PCSK2: variants seen among roughly 807,000 people sequenced by gnomAD.
The protein encoded by PCSK2 is neuroendocrine convertase 2.
A neutral mutation model predicts 69.7 loss-of-function variants in PCSK2; 14 were observed. The observed-to-expected ratio is 0.20, with a 90% CI of 0.13 to 0.31. The LOEUF (loss-of-function observed/expected upper bound fraction) is 0.31. PCSK2 is among the 10% of genes least tolerant of loss of function. PCSK2 has a pLI of 1.00. For missense variants in PCSK2, 544 were observed against 842.5 expected, an observed-to-expected ratio of 0.65 and a Z score of 4.39; for synonymous variants, 307 against 320.7, an observed-to-expected ratio of 0.96 and a Z score of 0.46.
At chr20:17,286,574 C>T (rs1336535578) in intron 2 of PCSK2, among the ~76,000 whole-genome samples, 5 of 152,152 alleles carry the variant, frequency 3.3e-5, no homozygotes, top group Non-Finnish European at 7.3e-5. Flanking sequence ...GTACAATCTA[C>T]TAAGATGTAC....
At chr20:17,376,252 A>C (rs2030921323) in intron 5 of PCSK2, among the ~76,000 whole-genome samples, 1 of 151,866 alleles carries the variant, frequency 6.6e-6, no homozygotes, top group Non-Finnish European at 1.5e-5. Flanking sequence ...CCACAGAAAC[A>C]AGCAAGCCAG....
At chr20:17,283,099 C>T (rs879875617) in intron 2 of PCSK2, among the ~76,000 whole-genome samples, 3 of 152,050 alleles carry the variant, frequency 2.0e-5, no homozygotes, top group Non-Finnish European at 2.9e-5. Flanking sequence ...AGCAACTGGG[C>T]AGGGAATCCG....
intron 11 of PCSK2, among the ~76,000 whole-genome samples, chr20:17,473,098 T>TTC (rs1555798413): frequency 7.1e-6 from 1 of 140,282 alleles, no homozygotes; most frequent in African/African-American, 2.7e-5. Flanking sequence ...TTTTTTTTTT[T>TTC]TTTTTTTTTT....
At chr20:17,381,338 C>T (rs549720571) in intron 5 of PCSK2, among the ~76,000 whole-genome samples, 9 of 152,316 alleles carry the variant, frequency 5.9e-5, no homozygotes, top group African/African-American at 2.2e-4. Context: ...AACCTCTCCA[C>T]AATGAGTGCT....
chr20:17,312,859 G>T (rs1320278848), intron 2 of PCSK2, among the ~76,000 whole-genome samples: 1 of 152,132 alleles, frequency 6.6e-6, no homozygotes, highest in Admixed American at 6.5e-5. Context: ...AAACTTCTTA[G>T]ATTTATATGT....
chr20:17,230,817 ATTTGT>A (rs1230172252), intron 1 of PCSK2, among the ~76,000 whole-genome samples: 1 of 152,210 alleles, frequency 6.6e-6, no homozygotes, highest in Non-Finnish European at 1.5e-5. Flanking sequence ...ATGAACAAAC[ATTTGT>A]TTTCTCTCTA....
At chr20:17,429,548 G>A in intron 7 of PCSK2, 25 bp downstream of exon 7, 1 of 1,470,974 alleles carries the variant, frequency 6.8e-7, no homozygotes, top group Non-Finnish European at 9.5e-7. Context: ...CCAAACAGAG[G>A]CCCCCACTAG....
intron 2 of PCSK2, among the ~76,000 whole-genome samples, chr20:17,279,207 C>T (rs1437746382): frequency 2.0e-5 from 3 of 152,138 alleles, no homozygotes; most frequent in Non-Finnish European, 4.4e-5. Context: ...CTTTTTAGGA[C>T]TTTTAATCTG....
rs1282913899 is a variant in PCSK2, at chr20:17,483,167, A to AT, written c.*1098dup. On this transcript the variant is annotated 3_prime_UTR_variant, in exon 12 of 12. Transcript: ENST00000262545. Reference sequence around the variant, plus strand: ...AAAAGGCCTCTGTCCCGGAAGAGTCATGGGAGGTGAAAGGGGCACGTTTGA... The same window carrying AT: ...AAAAGGCCTCTGTCCCGGAAGAGTCATTGGGAGGTGAAAGGGGCACGTTTGA... The AT allele has an allele frequency of 6.6e-6, 1 of 152,064 alleles. No individual in the cohort carries two copies. Among genetic ancestry groups the AT allele is most frequent in the Non-Finnish European group, 1.5e-5 (1 of 68,016 alleles). The allele number at this position is 152,064 out of a possible 1,614,324, so 9.4% of individuals were successfully genotyped here. A position where few individuals can be genotyped will look rare whatever the true frequency, so the allele number is the denominator to read the frequency against.
chr20:17,334,987 C>T (rs1990304215), intron 2 of PCSK2, among the ~76,000 whole-genome samples: 1 of 152,190 alleles, frequency 6.6e-6, no homozygotes, highest in African/African-American at 2.4e-5. Context: ...GCAAGTTACT[C>T]AGAGTTTATG....
At chr20:17,349,213 G>A (rs1471094252) in intron 2 of PCSK2, among the ~76,000 whole-genome samples, 1 of 152,178 alleles carries the variant, frequency 6.6e-6, no homozygotes, top group African/African-American at 2.4e-5. Context: ...AGGTATAGCA[G>A]GGCCTGTAAC....
rs1164266992 is a variant in PCSK2 at position 17,480,184 on chromosome 20, C to CTTTTTTTTTTTTTTTTTTTTTT, written c.1431-1398_1431-1377dup. Among the ~76,000 whole-genome samples the CTTTTTTTTTTTTTTTTTTTTTT allele has an allele frequency of 5.8e-4, 45 of 76,984 alleles. 5 individuals carry two copies. The highest frequency in any genetic ancestry group is 7.0e-4 in the African/African-American group (12 of 17,062). The allele number at this position is 76,984 out of a possible 152,430, so 50.5% of individuals were successfully genotyped here. A position where few individuals can be genotyped will look rare whatever the true frequency, so the allele number is the denominator to read the frequency against. ...ATTAATTTACCCATTTTCAGCTTTT[C>CTTTTTTTTTTTTTTTTTTTTTT]TTTTTTTTTTTTTTTTTTTTTTTGA... On this transcript the variant is annotated intron_variant, in intron 11 of 11. Transcript: ENST00000262545.
chr20:17,252,886 C>T (rs951678677), intron 1 of PCSK2, among the ~76,000 whole-genome samples: 2 of 152,150 alleles, frequency 1.3e-5, no homozygotes, highest in Non-Finnish European at 2.9e-5. Flanking sequence ...ACTTTCAAAA[C>T]AATTAAAAAT....
intron 2 of PCSK2, among the ~76,000 whole-genome samples, chr20:17,295,152 A>C (rs1389402177): frequency 6.6e-6 from 1 of 152,020 alleles, no homozygotes; most frequent in African/African-American, 2.4e-5. Context: ...GACATTCAAA[A>C]TTGTAATAAT....
At chr20:17,227,728 T>C (rs529564345) in intron 1 of PCSK2, among the ~76,000 whole-genome samples, 14 of 152,176 alleles carry the variant, frequency 9.2e-5, no homozygotes, top group Non-Finnish European at 1.5e-4. Flanking sequence ...ATGGCGAAAA[T>C]AGGATAACAC....
chr20:17,339,030 C>T (rs1201438443), intron 2 of PCSK2, among the ~76,000 whole-genome samples: 5 of 152,168 alleles, frequency 3.3e-5, no homozygotes, highest in Non-Finnish European at 7.3e-5. Context: ...TCATTAAGAA[C>T]AGCACACATT....
intron 2 of PCSK2, among the ~76,000 whole-genome samples, chr20:17,264,337 A>G (rs1485682053): frequency 1.3e-5 from 2 of 152,200 alleles, no homozygotes; most frequent in Non-Finnish European, 2.9e-5. Flanking sequence ...CCATACAATT[A>G]TTCCTCATTT....
chr20:17,379,066 T>C (rs6044767), intron 5 of PCSK2, among the ~76,000 whole-genome samples: 32,827 of 152,172 alleles, frequency 0.22, 3,667 homozygotes, highest in Middle Eastern at 0.3. Context: ...AAATGCTGCT[T>C]CTGCTGAGCT....
chr20:17,243,786 A>T (rs533234007), intron 1 of PCSK2, among the ~76,000 whole-genome samples: 16 of 152,314 alleles, frequency 1.1e-4, no homozygotes, highest in African/African-American at 3.8e-4. Flanking sequence ...ATGATGAGAA[A>T]GCAGATGATC....
Sources: allele counts gnomAD v4.1 joint callset (sites outside exome capture counted in the v4.1 genomes callset), GRCh38; gene constraint gnomAD v4.1.1; transcripts MANE v1.5; gene names NCBI Gene and HGNC (gene_info 2026-07-23, HGNC 2026-07-21).